Variants in LRRC4C observed in about 807,000 individuals in gnomAD.
The protein encoded by LRRC4C is leucine rich repeat containing 4C.
Under a neutral mutation model 33.6 loss-of-function variants are expected in LRRC4C, and 5 were observed. The ratio of observed to expected loss-of-function variants is 0.15; its 90% CI spans 0.08 to 0.31. The LOEUF (loss-of-function observed/expected upper bound fraction) is 0.31. Ranked by LOEUF, LRRC4C falls within the 10% of genes least tolerant of loss-of-function variation. The pLI, the probability that LRRC4C is intolerant of heterozygous loss-of-function variation, is 1.00. For missense variants in LRRC4C, 560 were observed against 796.7 expected (o/e 0.70, Z 3.58); for synonymous variants, 329 against 302.0 (o/e 1.09, Z -0.93).
At chr11:41,325,473 T>C (rs1951080122) in intron 1 of LRRC4C, among the ~76,000 whole-genome samples, 1 of 152,086 alleles carries the variant, frequency 6.6e-6, no homozygotes, top group Non-Finnish European at 1.5e-5. Flanking sequence ...AGGCATTGTC[T>C]CATTCTTAAT....
intron 3 of LRRC4C, among the ~76,000 whole-genome samples, chr11:40,642,937 T>C (rs1364473485): frequency 6.6e-6 from 1 of 152,152 alleles, no homozygotes; most frequent in Non-Finnish European, 1.5e-5. Flanking sequence ...TACAGAAGGA[T>C]AAAATAGAAC....
At chr11:41,106,056 T>G (rs915344118) in intron 1 of LRRC4C, among the ~76,000 whole-genome samples, 1 of 152,110 alleles carries the variant, frequency 6.6e-6, no homozygotes, top group Non-Finnish European at 1.5e-5. Flanking sequence ...AGCCCAAAGT[T>G]ATCATCTTAA....
chr11:40,587,948 G>C (rs1260715216), intron 3 of LRRC4C, among the ~76,000 whole-genome samples: 1 of 152,054 alleles, frequency 6.6e-6, no homozygotes, highest in African/African-American at 2.4e-5. Context: ...TTTTTTGGTT[G>C]TGTCTCTGCC....
chr11:40,755,464 T>C (rs561198124), intron 2 of LRRC4C, among the ~76,000 whole-genome samples: 10 of 152,206 alleles, frequency 6.6e-5, no homozygotes, highest in African/African-American at 2.2e-4. Flanking sequence ...GAGCGGTGTA[T>C]ATCTGAAGAA....
At chr11:40,366,484 T>C (rs1948213645) in intron 3 of LRRC4C, among the ~76,000 whole-genome samples, 1 of 151,928 alleles carries the variant, frequency 6.6e-6, no homozygotes. Flanking sequence ...ATCAGGGAGA[T>C]GGTGAGATTT....
intron 3 of LRRC4C, among the ~76,000 whole-genome samples, chr11:40,476,381 T>C (rs1953233605): frequency 7.0e-6 from 1 of 141,934 alleles, no homozygotes; most frequent in Admixed American, 7.6e-5. Flanking sequence ...AGTCTCACTT[T>C]GTTGCCCAGG....
chr11:40,806,638 T>G (rs1951264275), intron 2 of LRRC4C, among the ~76,000 whole-genome samples: 1 of 152,216 alleles, frequency 6.6e-6, no homozygotes, highest in Non-Finnish European at 1.5e-5. Context: ...CCACAAATAT[T>G]GTTGCAATAA....
chr11:40,201,884 C>T (rs1862780542), intron 5 of LRRC4C, among the ~76,000 whole-genome samples: 1 of 152,046 alleles, frequency 6.6e-6, no homozygotes, highest in African/African-American at 2.4e-5. Context: ...CTCGCATGGC[C>T]CTCACTACAC....
intron 2 of LRRC4C, among the ~76,000 whole-genome samples, chr11:40,820,372 A>C (rs1951882591): frequency 6.6e-6 from 1 of 152,018 alleles, no homozygotes; most frequent in African/African-American, 2.4e-5. Context: ...AGCTCAAAAA[A>C]TGAAAGAAAA....
intron 3 of LRRC4C, among the ~76,000 whole-genome samples, chr11:40,568,380 C>G (rs931842676): frequency 2.0e-5 from 3 of 152,184 alleles, no homozygotes; most frequent in African/African-American, 7.2e-5. Context: ...TAGCAGATAC[C>G]TTGATTGCAG....
chr11:41,288,007 A>G (rs1949882620), intron 1 of LRRC4C, among the ~76,000 whole-genome samples: 1 of 152,214 alleles, frequency 6.6e-6, no homozygotes, highest in Non-Finnish European at 1.5e-5. Context: ...TTCAGGACAT[A>G]TCCTAGGCAC....
At chr11:40,941,102 T>C (rs1192478917) in intron 1 of LRRC4C, among the ~76,000 whole-genome samples, 2 of 152,078 alleles carry the variant, frequency 1.3e-5, no homozygotes, top group Admixed American at 6.6e-5. Context: ...AATTAGATTG[T>C]TAAACCAGTG....
At chr11:40,282,015 T>C (rs1422477609) in intron 4 of LRRC4C, among the ~76,000 whole-genome samples, 1 of 151,982 alleles carries the variant, frequency 6.6e-6, no homozygotes, top group Non-Finnish European at 1.5e-5. Flanking sequence ...TCTTGGGAGG[T>C]TGCCTACAAG....
At position 40,326,949 on chromosome 11, in the gene LRRC4C, T is replaced by C. The variant is rs1250038972; in HGVS notation, c.-269-7228A>G. 5.9e-5 allele frequency among the ~76,000 whole-genome samples: 9 copies of C among 152,300 alleles called. No individual in the cohort carries two copies. The East Asian group carries it at 1.7e-3, about 29-fold the overall frequency. ...GAGTGATAAAGGTTTCAAACACAGC[T>C]GTAGAAATGGACACAGAAATGTAGA... On this transcript the variant is annotated intron_variant, in intron 3 of 6. Coordinates refer to ENST00000528697, the MANE Select transcript of LRRC4C (RefSeq NM_001258419.2).
chr11:40,286,648 A>G (rs1238006354), intron 4 of LRRC4C, among the ~76,000 whole-genome samples: 1 of 152,206 alleles, frequency 6.6e-6, no homozygotes, highest in Non-Finnish European at 1.5e-5. Flanking sequence ...GATTTCAAAG[A>G]AAAGAAAGTG....
intron 3 of LRRC4C, among the ~76,000 whole-genome samples, chr11:40,388,834 T>C (rs1949218748): frequency 6.6e-6 from 1 of 152,178 alleles, no homozygotes; most frequent in South Asian, 2.1e-4. Flanking sequence ...TTGGGTCAAT[T>C]CTGTCTGTAT....
chr11:41,443,089 A>ATTTTTTTTTTTTTTTTTTTTTT, intron 1 of LRRC4C, among the ~76,000 whole-genome samples: 7 of 105,992 alleles, frequency 6.6e-5, no homozygotes, highest in Non-Finnish European at 1.1e-4. Context: ...TGTTTGCTTC[A>ATTTTTTTTTTTTTTTTTTTTTT]TTTTTTTTTT....
chr11:40,449,279 A>G (rs7931919), intron 3 of LRRC4C, among the ~76,000 whole-genome samples: 54,359 of 151,270 alleles, frequency 0.36, 10,277 homozygotes, highest in East Asian at 0.52. Flanking sequence ...TGGGGTATTT[A>G]CTTTGTTTTT....
chr11:40,802,401 T>C (rs891597127), intron 2 of LRRC4C, among the ~76,000 whole-genome samples: 2 of 151,926 alleles, frequency 1.3e-5, no homozygotes, highest in Admixed American at 6.6e-5. Context: ...TTTCCTGGAC[T>C]GAGAACAGGG....
Sources: allele counts gnomAD v4.1 joint callset (sites outside exome capture counted in the v4.1 genomes callset), GRCh38; gene constraint gnomAD v4.1.1; transcripts MANE v1.5; gene names NCBI Gene and HGNC (gene_info 2026-07-23, HGNC 2026-07-21).